ULK4: variants seen among roughly 807,000 people sequenced by gnomAD.
The protein encoded by ULK4 is unc-51 like kinase 4.
In ULK4, 133 loss-of-function variants were observed where a neutral mutation model predicts 160.6. The ratio of observed to expected loss-of-function variants is 0.83; its 90% confidence interval spans 0.72 to 0.96. The LOEUF is 0.96. ULK4 is among the 40% of genes least tolerant of loss of function. The probability of loss-of-function intolerance (pLI) is 0.00; values close to 1 mark genes in which losing one functional copy is unlikely to be tolerated. For missense variants in ULK4, 1,580 were observed against 1,499.5 expected (o/e 1.05, Z -0.89); for synonymous variants, 534 against 539.8 (o/e 0.99, Z 0.15).
intron 21 of ULK4, among the ~76,000 whole-genome samples, chr3:41,769,078 A>T (rs2039264821): frequency 6.6e-6 from 1 of 152,204 alleles, no homozygotes; most frequent in Non-Finnish European, 1.5e-5. Flanking sequence ...AAACTAGACA[A>T]ACTATAACAA....
At chr3:41,498,438 T>A (rs1240363818) in intron 32 of ULK4, among the ~76,000 whole-genome samples, 2 of 152,172 alleles carry the variant, frequency 1.3e-5, no homozygotes, top group African/African-American at 2.4e-5. Context: ...ACCAATTCTA[T>A]AAATTCTCAC....
chr3:41,450,618 G>T (rs2083405006), intron 34 of ULK4, among the ~76,000 whole-genome samples: 3 of 152,190 alleles, frequency 2.0e-5, no homozygotes, highest in African/African-American at 7.2e-5. Context: ...CAAGTCAGAT[G>T]AAAACTGAAA....
chr3:41,935,218 T>A (rs1559660927), intron 4 of ULK4, among the ~76,000 whole-genome samples: 796 of 4,718 alleles, frequency 0.17, 21 homozygotes, highest in South Asian at 0.45. Context: ...TATTTTTTTT[T>A]TTTTTTTTTT....
chr3:41,445,395 A>C (rs1423023497), intron 34 of ULK4, among the ~76,000 whole-genome samples: 1 of 152,234 alleles, frequency 6.6e-6, no homozygotes, highest in Admixed American at 6.5e-5. Context: ...TATGGAACCA[A>C]AAAAGAGCCT....
chr3:41,599,645 A>G (rs371873633), intron 31 of ULK4, among the ~76,000 whole-genome samples: 1 of 150,116 alleles, frequency 6.7e-6, no homozygotes, highest in South Asian at 2.1e-4. Context: ...GCTCACTGCA[A>G]CCTTCACCTC....
In ULK4 at chr3:41,953,309, T is replaced by A. The variant is rs1187423188; in HGVS notation, c.138+1313A>T. ...ACATATATATATATATATATATTTT[T>A]TTTTTTTTTTGAGATGGAGTCCCAC... On this transcript the variant is annotated intron_variant, in intron 2 of 36. Coordinates refer to ENST00000301831, the MANE Select transcript of ULK4 (RefSeq NM_017886.4). Among the ~76,000 whole-genome samples, 709 of 101,022 alleles carry A rather than the reference T, an allele frequency of 7.0e-3. 10 individuals are homozygous for A. Among genetic ancestry groups the A allele is most frequent in the East Asian group, 0.06 (205 of 3,434 alleles). The allele number at this position is 101,022 out of a possible 152,430, so 66.3% of individuals were successfully genotyped here. A position where few individuals can be genotyped will look rare whatever the true frequency, so the allele number is the denominator to read the frequency against.
At chr3:41,606,604 C>A (rs1216726067) in intron 31 of ULK4, among the ~76,000 whole-genome samples, 1 of 151,948 alleles carries the variant, frequency 6.6e-6, no homozygotes, top group African/African-American at 2.4e-5. Flanking sequence ...TATAAGAATT[C>A]CCTTTTCTCT....
At position 41,800,798 on chromosome 3, in the gene ULK4, G is replaced by A. The variant is rs548690379; in HGVS notation, c.1849-505C>T. 3.3e-5 allele frequency among the ~76,000 whole-genome samples: 5 copies of A among 152,264 alleles called. No individual in the cohort carries two copies. In the South Asian group the frequency reaches 6.2e-4, roughly 19 times the overall value. The stretch of plus-strand genomic sequence containing the variant: ...AAAGGTATTGCTTCAGTGGTGTGAC[G>A]AAATTAATCCTAGAGGAAAAGCCAT... On this transcript the variant is annotated intron_variant, in intron 19 of 36. Transcript: ENST00000301831.
At chr3:41,676,335 G>T (rs540774132) in intron 29 of ULK4, among the ~76,000 whole-genome samples, 39 of 152,192 alleles carry the variant, frequency 2.6e-4, no homozygotes, top group African/African-American at 8.9e-4. Flanking sequence ...AATTGTGATG[G>T]AAAGAGCACT....
Position 41,495,442 on chromosome 3 carries a change from G to T in ULK4, c.3227-32189C>A, listed in dbSNP as rs564923581. On this transcript the variant is annotated intron_variant, in intron 32 of 36. Transcript: ENST00000301831. ...AAAAATTAATTCAAGATGGATTAAA[G>T]ACTTACATGTTAGACCTAAAACCAT... is the stretch of plus-strand genomic sequence containing the variant. Among the ~76,000 whole-genome samples the T allele has an allele frequency of 8.2e-4, 125 of 151,892 alleles. 1 individual carries two copies. Among genetic ancestry groups the T allele is most frequent in the African/African-American group, 2.8e-3 (117 of 41,390 alleles).
chr3:41,885,687 G>T (rs1000095521), intron 16 of ULK4, among the ~76,000 whole-genome samples: 3 of 145,680 alleles, frequency 2.1e-5, no homozygotes, highest in Non-Finnish European at 3.0e-5. Context: ...TTTTTAAAAA[G>T]TTTTTTTTTT....
intron 25 of ULK4, among the ~76,000 whole-genome samples, chr3:41,707,978 A>T (rs967763763): frequency 5.3e-5 from 8 of 152,156 alleles, no homozygotes; most frequent in African/African-American, 1.9e-4. Flanking sequence ...CTTCACATCC[A>T]TAAGAATGGC....
At chr3:41,306,629 A>G (rs1326314010) in intron 35 of ULK4, among the ~76,000 whole-genome samples, 1 of 151,190 alleles carries the variant, frequency 6.6e-6, no homozygotes, top group Non-Finnish European at 1.5e-5. Context: ...CCCGGCCACC[A>G]CCCCGTCTGG....
chr3:41,922,316 A>G (rs1262183649), intron 5 of ULK4, among the ~76,000 whole-genome samples: 2 of 152,112 alleles, frequency 1.3e-5, no homozygotes, highest in Non-Finnish European at 2.9e-5. Flanking sequence ...AGCAAAACCC[A>G]GTTTACAAAA....
At chr3:41,290,816 C>T (rs2079545262) in intron 35 of ULK4, among the ~76,000 whole-genome samples, 1 of 152,208 alleles carries the variant, frequency 6.6e-6, no homozygotes, top group African/African-American at 2.4e-5. Context: ...ATGTTCCTGC[C>T]TGTATGCAGG....
At chr3:41,705,364 A>T in intron 25 of ULK4, 59 bp from the exon 26 acceptor site, 3 of 1,388,690 alleles carry the variant, frequency 2.2e-6, no homozygotes, top group Non-Finnish European at 3.0e-6. Context: ...AATAAAATAT[A>T]GGTAGTTTAC....
intron 35 of ULK4, among the ~76,000 whole-genome samples, chr3:41,369,450 C>T (rs559785198): frequency 1.2e-4 from 18 of 150,572 alleles, no homozygotes; most frequent in African/African-American, 4.2e-4. Context: ...GCTGAGATTA[C>T]GCCACTGCAC....
chr3:41,834,171 G>C (rs185381088), intron 18 of ULK4, among the ~76,000 whole-genome samples: 1 of 151,970 alleles, frequency 6.6e-6, no homozygotes, highest in East Asian at 1.9e-4. Flanking sequence ...TTCTAGGTTT[G>C]TGAATATGTT....
At chr3:41,659,852 T>C (rs1031272267) in intron 30 of ULK4, among the ~76,000 whole-genome samples, 2 of 152,038 alleles carry the variant, frequency 1.3e-5, no homozygotes, top group Non-Finnish European at 2.9e-5. Context: ...TTATAATACA[T>C]CCATGCAATG....
Sources: gnomAD v4.1 joint callset for allele counts (sites outside exome capture counted in the v4.1 genomes callset) on GRCh38, gnomAD v4.1.1 for gene constraint, MANE v1.5 for transcripts, NCBI Gene and HGNC (gene_info 2026-07-23, HGNC 2026-07-21) for gene names.